The following RAB27B variants were observed in gnomAD, a reference collection of about 807,000 sequenced individuals.
RAB27B encodes the protein ras-related protein Rab-27B.
A neutral mutation model predicts 24.6 loss-of-function variants in RAB27B; 15 were observed. The observed-to-expected ratio is 0.61, with a 90% CI of 0.41 to 0.94. RAB27B has a LOEUF of 0.94. Ranked by LOEUF, RAB27B falls within the 40% of genes least tolerant of loss-of-function variation. The pLI, the probability that RAB27B is intolerant of heterozygous loss-of-function variation, is 0.00. For missense variants in RAB27B, 261 were observed against 266.8 expected, an observed-to-expected ratio of 0.98 and a Z score of 0.15; for synonymous variants, 105 against 92.5, an observed-to-expected ratio of 1.14 and a Z score of -0.78.
chr18:54,741,952 G>A (rs2145012037), intron 2 of RAB27B, among the ~76,000 whole-genome samples: 1 of 152,322 alleles, frequency 6.6e-6, no homozygotes, highest in East Asian at 1.9e-4. Flanking sequence ...AAGCTCTGAG[G>A]ATTCTGACAT....
chr18:54,869,562 A>G (rs1912382660), intron 1 of RAB27B, among the ~76,000 whole-genome samples: 1 of 152,232 alleles, frequency 6.6e-6, no homozygotes, highest in Non-Finnish European at 1.5e-5. Flanking sequence ...GAGAAGTGCA[A>G]GAACTCATGG....
intron 2 of RAB27B, 103 bp downstream of exon 2, chr18:54,877,841 G>A (rs555166972): frequency 7.0e-5 from 82 of 1,176,858 alleles, no homozygotes; most frequent in East Asian, 4.5e-4. Flanking sequence ...TTTGTCACAC[G>A]AAATTCATAA....
chr18:54,875,820 C>T (rs916795503), intron 1 of RAB27B, among the ~76,000 whole-genome samples: 2 of 151,912 alleles, frequency 1.3e-5, no homozygotes. Flanking sequence ...CCCAAAGACG[C>T]AAAAGTTTTC....
intron 1 of RAB27B, among the ~76,000 whole-genome samples, chr18:54,864,868 C>A (rs1411231876): frequency 6.6e-6 from 1 of 152,104 alleles, no homozygotes; most frequent in African/African-American, 2.4e-5. Flanking sequence ...CAGTCAAGAT[C>A]ATTTTGGCTA....
chr18:54,834,896 C>A (rs1910835318), intron 1 of RAB27B, among the ~76,000 whole-genome samples: 1 of 151,502 alleles, frequency 6.6e-6, no homozygotes, highest in South Asian at 2.1e-4. Flanking sequence ...TGTTTCTCTC[C>A]TTAACTTGCT....
At chr18:54,723,100 C>T (rs532061052) in intron 2 of RAB27B, among the ~76,000 whole-genome samples, 1 of 152,290 alleles carries the variant, frequency 6.6e-6, no homozygotes, top group Admixed American at 6.5e-5. Context: ...CCCTGAGTGG[C>T]AGCCACAGAC....
intron 2 of RAB27B, among the ~76,000 whole-genome samples, chr18:54,792,845 T>A (rs1598907980): frequency 6.6e-6 from 1 of 152,178 alleles, no homozygotes; most frequent in African/African-American, 2.4e-5. Flanking sequence ...TACTCAGGTA[T>A]AAGAGATTTG....
intron 2 of RAB27B, among the ~76,000 whole-genome samples, chr18:54,801,612 G>A (rs758931330): frequency 7.9e-5 from 12 of 152,100 alleles, no homozygotes; most frequent in South Asian, 2.1e-4. Context: ...ACGATTCTTT[G>A]TTGGGGCTTG....
chr18:54,866,593 C>T (rs1367904413), intron 1 of RAB27B, among the ~76,000 whole-genome samples: 1 of 152,182 alleles, frequency 6.6e-6, no homozygotes, highest in African/African-American at 2.4e-5. Flanking sequence ...CCACTGCGCC[C>T]GGCAGGGATC....
At chr18:54,736,049 C>T (rs1909881880) in intron 2 of RAB27B, among the ~76,000 whole-genome samples, 1 of 152,012 alleles carries the variant, frequency 6.6e-6, no homozygotes, top group Non-Finnish European at 1.5e-5. Flanking sequence ...GTATGTATTA[C>T]TTGGTTTACT....
chr18:54,836,174 A>G (rs1910886012), intron 1 of RAB27B, among the ~76,000 whole-genome samples: 1 of 151,984 alleles, frequency 6.6e-6, no homozygotes. Context: ...GGAAGTCATA[A>G]AATTCTACAT....
In RAB27B at chr18:54,879,431, T is replaced by C; in HGVS notation, c.216T>C (p.Leu72=). 1 of 1,612,776 alleles carries C rather than the reference T, an allele frequency of 6.2e-7. No individual in the cohort carries two copies. Among genetic ancestry groups the C allele is most frequent in the South Asian group, 1.1e-5 (1 of 91,048 alleles). ...SGKAFKVHLQ[L]WDTAGQERFR... ...AAGCATTTAAAGTGCATCTTCAGCT[T>C]TGGGACACTGCGGGACAAGAGCGGT... is the stretch of plus-strand genomic sequence containing the variant. The change falls in exon 3 of 6, where the codon CTT becomes CTC. Residue 72 remains leucine (L), a synonymous_variant. Coordinates refer to ENST00000262094, the MANE Select transcript of RAB27B (RefSeq NM_004163.4).
intron 2 of RAB27B, among the ~76,000 whole-genome samples, chr18:54,815,361 G>A (rs1910090086): frequency 6.6e-6 from 1 of 152,192 alleles, no homozygotes; most frequent in South Asian, 2.1e-4. Flanking sequence ...ACATAGCCAT[G>A]TCAGACTTCT....
intron 2 of RAB27B, among the ~76,000 whole-genome samples, chr18:54,803,223 T>C (rs1383790866): frequency 3.9e-5 from 6 of 152,144 alleles, no homozygotes; most frequent in Admixed American, 2.0e-4. Flanking sequence ...GAAAACAAGC[T>C]CTTTCAGATA....
At chr18:54,725,606 C>T (rs1190240304) in intron 2 of RAB27B, among the ~76,000 whole-genome samples, 1 of 151,400 alleles carries the variant, frequency 6.6e-6, no homozygotes, top group Non-Finnish European at 1.5e-5. Flanking sequence ...CGGGAGGCCT[C>T]AGGAAACTTG....
intron 2 of RAB27B, among the ~76,000 whole-genome samples, chr18:54,763,160 A>G (rs369291951): frequency 3.3e-4 from 50 of 152,324 alleles, no homozygotes; most frequent in African/African-American, 1.2e-3. Context: ...AATAAATAAT[A>G]TAGACAAAAA....
At position 54,869,944 on chromosome 18, in the gene RAB27B, C is replaced by A. The variant is rs528473441; in HGVS notation, c.-19-7623C>A. Among the ~76,000 whole-genome samples the A allele has an allele frequency of 4.4e-4, 67 of 152,100 alleles. 1 individual carries two copies. The highest frequency in any genetic ancestry group is 1.3e-3 in the African/African-American group (56 of 41,504). On this transcript the variant is annotated intron_variant, in intron 1 of 5. Coordinates refer to ENST00000262094, the MANE Select transcript of RAB27B (RefSeq NM_004163.4). Reference sequence around the variant, plus strand: ...TAAGAAAAAACAGGATTAAATGGACCAATTACCGAAGAAAACAGAAGATAA... The same window carrying A: ...TAAGAAAAAACAGGATTAAATGGACAAATTACCGAAGAAAACAGAAGATAA...
At chr18:54,785,793 A>C (rs1267978242) in intron 2 of RAB27B, among the ~76,000 whole-genome samples, 1 of 152,176 alleles carries the variant, frequency 6.6e-6, no homozygotes, top group Admixed American at 6.5e-5. Flanking sequence ...AATGCAATGC[A>C]TGTGTATGAA....
At chr18:54,878,416 T>C (rs985125341) in intron 2 of RAB27B, among the ~76,000 whole-genome samples, 5 of 152,188 alleles carry the variant, frequency 3.3e-5, no homozygotes, top group Non-Finnish European at 7.4e-5. Context: ...ATTGCCAAGA[T>C]GGCTGTGGCT....
Sources: allele counts gnomAD v4.1 joint callset (sites outside exome capture counted in the v4.1 genomes callset), GRCh38; gene constraint gnomAD v4.1.1; transcripts MANE v1.5; gene names NCBI Gene and HGNC (gene_info 2026-07-23, HGNC 2026-07-21).